The following EXOC2 variants were observed in gnomAD, a reference collection of about 807,000 sequenced individuals.
EXOC2 encodes the protein SEC5-like 1.
Under a neutral mutation model 131.8 loss-of-function variants are expected in EXOC2, and 70 were observed. The observed-to-expected ratio is 0.53, with a 90% confidence interval of 0.44 to 0.65. EXOC2 has a LOEUF of 0.65. Ranked by LOEUF, EXOC2 falls within the 30% of genes least tolerant of loss-of-function variation. The probability of loss-of-function intolerance (pLI) is 0.00; values close to 1 mark genes in which losing one functional copy is unlikely to be tolerated. For missense variants in EXOC2, 923 were observed against 1,108.6 expected (o/e 0.83, Z 2.38); for synonymous variants, 411 against 398.4 (o/e 1.03, Z -0.38).
At position 649,842 on chromosome 6, in the gene EXOC2, A is replaced by G. The variant is rs781193746; in HGVS notation, c.-43-11981T>C. On this transcript the variant is annotated intron_variant, in intron 1 of 27. Transcript: ENST00000230449. ...AGAAAGCACTTTAATACATTTTCCA[A>G]TGATTTATTTTCTACAGATACAGTG... Among the ~76,000 whole-genome samples the G allele has an allele frequency of 2.0e-4, 31 of 152,234 alleles. 1 individual carries two copies. Among genetic ancestry groups the G allele is most frequent in the Non-Finnish European group, 3.4e-4 (23 of 68,032 alleles).
At chr6:553,329 AGT>A (rs1211886620) in intron 21 of EXOC2, among the ~76,000 whole-genome samples, 2 of 152,060 alleles carry the variant, frequency 1.3e-5, no homozygotes, top group Non-Finnish European at 2.9e-5. Context: ...CATTTTAAAA[AGT>A]GTGTGTGTAT....
chr6:619,602 G>C (rs1337069009), intron 4 of EXOC2, 59 bp from the exon 5 acceptor site: 3 of 1,132,598 alleles, frequency 2.6e-6, no homozygotes, highest in Admixed American at 3.6e-5. Flanking sequence ...AAATGGAAAA[G>C]GTATCACTAA....
intron 27 of EXOC2, among the ~76,000 whole-genome samples, chr6:487,248 C>T (rs1282280241): frequency 2.0e-5 from 3 of 152,148 alleles, no homozygotes; most frequent in African/African-American, 4.8e-5. Flanking sequence ...CTGACTTTCC[C>T]TTCCTCTCAT....
At chr6:487,237 GCTGA>G (rs1763123120) in intron 27 of EXOC2, among the ~76,000 whole-genome samples, 2 of 152,158 alleles carry the variant, frequency 1.3e-5, no homozygotes, top group Non-Finnish European at 2.9e-5. Context: ...AGCAGCCACT[GCTGA>G]CTTTCCCTTC....
At chr6:604,150 G>A (rs1316686995) in intron 7 of EXOC2, among the ~76,000 whole-genome samples, 1 of 152,130 alleles carries the variant, frequency 6.6e-6, no homozygotes, top group East Asian at 1.9e-4. Context: ...CCATCAGCAC[G>A]ACCCTCAGGA....
At chr6:521,408 A>G (rs1349501024) in intron 23 of EXOC2, among the ~76,000 whole-genome samples, 2 of 152,240 alleles carry the variant, frequency 1.3e-5, no homozygotes, top group African/African-American at 4.8e-5. Context: ...CACTAGGAAT[A>G]TGATGTTCAT....
intron 1 of EXOC2, among the ~76,000 whole-genome samples, chr6:682,930 A>T (rs1349346823): frequency 6.6e-6 from 1 of 151,398 alleles, no homozygotes; most frequent in Non-Finnish European, 1.5e-5. Context: ...ACAGGATGGT[A>T]TCATTTTTTA....
At position 615,062 on chromosome 6, in the gene EXOC2, A is replaced by G. The variant is rs187017510; in HGVS notation, c.661+2649T>C. On this transcript the variant is annotated intron_variant, in intron 6 of 27. Coordinates refer to ENST00000230449, the MANE Select transcript of EXOC2 (RefSeq NM_018303.6). ...AAAGGGCCTATAACATGAATTTTAA[A>G]TGATTTAAAAATTAGAATGCAATGC... Among the ~76,000 whole-genome samples, 34 of 152,336 alleles carry G rather than the reference A, an allele frequency of 2.2e-4. No homozygotes were observed. In the East Asian group the frequency reaches 4.8e-3, roughly 22 times the overall value.
chr6:546,074 G>A (rs1429377219), intron 22 of EXOC2, among the ~76,000 whole-genome samples: 3 of 151,566 alleles, frequency 2.0e-5, no homozygotes, highest in African/African-American at 4.9e-5. Context: ...TATTAAAATC[G>A]TAGTGTCTAC....
intron 7 of EXOC2, among the ~76,000 whole-genome samples, chr6:605,370 C>T (rs1375474549): frequency 2.6e-5 from 4 of 152,180 alleles, no homozygotes; most frequent in Non-Finnish European, 1.5e-5. Context: ...TAAAGTACAA[C>T]TAATATTTAA....
At position 646,093 on chromosome 6, in the gene EXOC2, G is replaced by A. The variant is rs549428221; in HGVS notation, c.-43-8232C>T. On this transcript the variant is annotated intron_variant, in intron 1 of 27. Coordinates refer to ENST00000230449, the MANE Select transcript of EXOC2 (RefSeq NM_018303.6). Reference sequence around the variant, plus strand: ...TGATTTGGGTTATGTATCTTTCACAGGGACTTCACAGATCCTTCTCAGTGA... The same window carrying A: ...TGATTTGGGTTATGTATCTTTCACAAGGACTTCACAGATCCTTCTCAGTGA... Among the ~76,000 whole-genome samples the A allele has an allele frequency of 2.0e-5, 3 of 152,284 alleles. No homozygotes were observed. In the South Asian group the frequency reaches 6.2e-4, roughly 32 times the overall value.
chr6:577,782 C>T (rs1240244060), intron 11 of EXOC2, among the ~76,000 whole-genome samples: 6 of 152,166 alleles, frequency 3.9e-5, no homozygotes, highest in African/African-American at 1.4e-4. Context: ...CATTTTGCTG[C>T]CTTATTTGCT....
chr6:653,025 T>C (rs958899410), intron 1 of EXOC2, among the ~76,000 whole-genome samples: 2 of 152,244 alleles, frequency 1.3e-5, no homozygotes, highest in Non-Finnish European at 2.9e-5. Flanking sequence ...TGTTCTTTGA[T>C]GATACTATTG....
At position 521,481 on chromosome 6, in the gene EXOC2, C is replaced by T. The variant is rs1765466483; in HGVS notation, c.2380+10988G>A. ...TTTAGAATAATGAAGAAAGGTAGAA[C>T]TACATTTAGGAGATCTTTGGTGTTA... On this transcript the variant is annotated intron_variant, in intron 23 of 27. Transcript: ENST00000230449. Among the ~76,000 whole-genome samples the T allele has an allele frequency of 3.3e-5, 5 of 152,060 alleles. No individual in the cohort carries two copies. The South Asian group carries it at 1.0e-3, about 32-fold the overall frequency.
chr6:507,162 C>A (rs1219718519), intron 23 of EXOC2, among the ~76,000 whole-genome samples: 2 of 44,868 alleles, frequency 4.5e-5, no homozygotes, highest in African/African-American at 7.6e-5. Context: ...AAGAAGTGAC[C>A]CCCCCACCCA....
chr6:550,849 T>A (rs1470348414), intron 21 of EXOC2, among the ~76,000 whole-genome samples: 1 of 152,222 alleles, frequency 6.6e-6, no homozygotes, highest in African/African-American at 2.4e-5. Flanking sequence ...AATCCTTAGT[T>A]ACTTTTTCCT....
intron 4 of EXOC2, among the ~76,000 whole-genome samples, chr6:627,520 G>A (rs1413448869): frequency 6.6e-6 from 1 of 152,172 alleles, no homozygotes; most frequent in African/African-American, 2.4e-5. Flanking sequence ...GCTATTCTGA[G>A]TCTCTATTAG....
chr6:661,704 AGGACCTAT>A (rs1763430320), intron 1 of EXOC2, among the ~76,000 whole-genome samples: 1 of 152,222 alleles, frequency 6.6e-6, no homozygotes. Context: ...TAAATCACAC[AGGACCTAT>A]AACAAAAATA....
chr6:538,648 T>C (rs1325716375), intron 22 of EXOC2, among the ~76,000 whole-genome samples: 1 of 152,168 alleles, frequency 6.6e-6, no homozygotes, highest in Non-Finnish European at 1.5e-5. Context: ...AACAATTTAA[T>C]TGTGTACAGA....
Sources: gnomAD v4.1 joint callset for allele counts (sites outside exome capture counted in the v4.1 genomes callset) on GRCh38, gnomAD v4.1.1 for gene constraint, MANE v1.5 for transcripts, NCBI Gene and HGNC (gene_info 2026-07-23, HGNC 2026-07-21) for gene names.